Variants in CTNNA3 observed in about 807,000 individuals in gnomAD.
The protein encoded by CTNNA3 is catenin alpha-3.
CTNNA3 carries 76 observed loss-of-function variants against 95.7 expected under a neutral mutation model. The ratio of observed to expected loss-of-function variants is 0.79; its 90% CI spans 0.66 to 0.96. The LOEUF (loss-of-function observed/expected upper bound fraction) is 0.96. Among genes scored for constraint, CTNNA3 ranks in the 40% least tolerant of loss-of-function variants. CTNNA3 has a pLI of 0.00. For synonymous variants in CTNNA3, 431 were observed against 374.4 expected, an observed-to-expected ratio of 1.15 and a Z score of -1.74; for missense variants, 1,191 against 1,089.8, an observed-to-expected ratio of 1.09 and a Z score of -1.31.
intron 11 of CTNNA3, among the ~76,000 whole-genome samples, chr10:66,430,371 A>G (rs1214714404): frequency 1.3e-5 from 2 of 152,214 alleles, no homozygotes; most frequent in East Asian, 3.9e-4. Flanking sequence ...CAAGCTACCA[A>G]TGACTTTCTT....
At chr10:66,125,701 C>T (rs967197940) in intron 13 of CTNNA3, among the ~76,000 whole-genome samples, 4 of 152,120 alleles carry the variant, frequency 2.6e-5, no homozygotes, top group African/African-American at 9.7e-5. Context: ...TATGAGAACA[C>T]CTGGATGAAC....
At chr10:66,226,546 G>T (rs2089296259) in intron 13 of CTNNA3, among the ~76,000 whole-genome samples, 1 of 148,844 alleles carries the variant, frequency 6.7e-6, no homozygotes, top group African/African-American at 2.5e-5. Context: ...GTCTTTCGTG[G>T]TTCCATACAA....
chr10:67,299,556 T>A (rs1336256923), intron 5 of CTNNA3, among the ~76,000 whole-genome samples: 1 of 152,174 alleles, frequency 6.6e-6, no homozygotes, highest in Non-Finnish European at 1.5e-5. Context: ...GGCTGTAGGA[T>A]TCTTTATATT....
chr10:67,526,608 A>C (rs948539040), intron 4 of CTNNA3, among the ~76,000 whole-genome samples: 1 of 152,214 alleles, frequency 6.6e-6, no homozygotes, highest in Non-Finnish European at 1.5e-5. Context: ...AGTTGTTGTG[A>C]AATCAGTTGA....
intron 14 of CTNNA3, among the ~76,000 whole-genome samples, chr10:66,090,991 T>C (rs1280599441): frequency 6.6e-6 from 1 of 151,992 alleles, no homozygotes; most frequent in Non-Finnish European, 1.5e-5. Flanking sequence ...AAAGAAGGTG[T>C]TGCATTTGGC....
intron 1 of CTNNA3, among the ~76,000 whole-genome samples, chr10:67,729,463 A>C (rs1183344101): frequency 1.3e-5 from 2 of 152,184 alleles, no homozygotes; most frequent in African/African-American, 4.8e-5. Context: ...AATAAAGACA[A>C]TGTTAATCTA....
Position 66,365,808 on chromosome 10 carries a change from C to T in CTNNA3, c.1732+13344G>A, listed in dbSNP as rs369406478. Reference sequence around the variant, plus strand: ...ATCTGGATCATTCACACTGAGGTGCCATGATGTGAAAAAATATAGGCAGCA... The same window carrying T: ...ATCTGGATCATTCACACTGAGGTGCTATGATGTGAAAAAATATAGGCAGCA... On this transcript the variant is annotated intron_variant, in intron 12 of 17. Transcript: ENST00000433211. 2.0e-4 allele frequency among the ~76,000 whole-genome samples: 30 copies of T among 151,922 alleles called. 1 individual carries two copies. The South Asian group carries it at 6.0e-3, about 31-fold the overall frequency.
At position 67,123,305 on chromosome 10, in the gene CTNNA3, G is replaced by T. The variant is rs564669601; in HGVS notation, c.1047+57012C>A. 5.3e-5 allele frequency among the ~76,000 whole-genome samples: 8 copies of T among 152,178 alleles called. No homozygotes were observed. In the South Asian group the frequency reaches 1.7e-3, roughly 32 times the overall value. On this transcript the variant is annotated intron_variant, in intron 7 of 17. Coordinates refer to ENST00000433211, the MANE Select transcript of CTNNA3 (RefSeq NM_013266.4). The stretch of plus-strand genomic sequence containing the variant: ...TTTAACAAATATTTATTGAGTATCT[G>T]CTTGATGTATGCTAGTCCTGGAAAA...
At chr10:66,456,906 T>C (rs1017574984) in intron 11 of CTNNA3, among the ~76,000 whole-genome samples, 2 of 152,068 alleles carry the variant, frequency 1.3e-5, no homozygotes, top group Non-Finnish European at 1.5e-5. Flanking sequence ...CCAGCCTGGG[T>C]AACATAGTGA....
chr10:65,950,393 C>T (rs1041442996), intron 17 of CTNNA3, among the ~76,000 whole-genome samples: 4 of 151,722 alleles, frequency 2.6e-5, no homozygotes, highest in Admixed American at 2.6e-4. Flanking sequence ...TCTACAGCTA[C>T]TTGATTTTTT....
rs144098253 is a variant in CTNNA3 at position 67,401,848 on chromosome 10, C to T, written c.579+119994G>A. Among the ~76,000 whole-genome samples the T allele has an allele frequency of 5.5e-3, 832 of 152,266 alleles. 7 individuals are homozygous for T. Among genetic ancestry groups the T allele is most frequent in the African/African-American group, 0.019 (781 of 41,534 alleles). ...CAACACCAAAATCACTTTACTAATC[C>T]TGCCCTTGCAAAACCAAGAGTAAGA... On this transcript the variant is annotated intron_variant, in intron 5 of 17. Transcript: ENST00000433211.
intron 1 of CTNNA3, among the ~76,000 whole-genome samples, chr10:67,663,569 T>C (rs1840252750): frequency 6.6e-6 from 1 of 151,892 alleles, no homozygotes; most frequent in Admixed American, 6.6e-5. Flanking sequence ...AGGGGCAGGC[T>C]GGGAGGGGCT....
chr10:66,981,196 G>A (rs150368558), intron 7 of CTNNA3, among the ~76,000 whole-genome samples: 119 of 152,260 alleles, frequency 7.8e-4, no homozygotes, highest in African/African-American at 2.2e-3. Context: ...GAGCCACCGC[G>A]CCCAGCCACA....
intron 10 of CTNNA3, among the ~76,000 whole-genome samples, chr10:66,521,491 T>C (rs1483908358): frequency 6.6e-6 from 1 of 152,160 alleles, no homozygotes; most frequent in Non-Finnish European, 1.5e-5. Flanking sequence ...GTAAGTTGAA[T>C]GCCCAGTGAT....
intron 15 of CTNNA3, among the ~76,000 whole-genome samples, chr10:66,017,299 T>C (rs901993767): frequency 2.6e-5 from 4 of 152,126 alleles, no homozygotes; most frequent in African/African-American, 9.7e-5. Context: ...ATAAAACAGA[T>C]ACAAAAGACT....
intron 7 of CTNNA3, among the ~76,000 whole-genome samples, chr10:66,807,951 C>G (rs1404260763): frequency 5.3e-5 from 8 of 152,092 alleles, no homozygotes; most frequent in Non-Finnish European, 1.2e-4. Flanking sequence ...GATCTCACCA[C>G]TCTTGCTTGC....
intron 5 of CTNNA3, among the ~76,000 whole-genome samples, chr10:67,429,169 T>G (rs1380825046): frequency 6.6e-6 from 1 of 151,996 alleles, no homozygotes; most frequent in Non-Finnish European, 1.5e-5. Flanking sequence ...TTAAGTTACT[T>G]ACTAGAACTT....
intron 7 of CTNNA3, among the ~76,000 whole-genome samples, chr10:66,940,052 A>G (rs965591987): frequency 1.3e-5 from 2 of 152,094 alleles, no homozygotes; most frequent in Non-Finnish European, 1.5e-5. Context: ...GAACAGTAAA[A>G]TAAGTAGTTA....
intron 5 of CTNNA3, among the ~76,000 whole-genome samples, chr10:67,436,635 A>G (rs1589288207): frequency 6.6e-6 from 1 of 152,264 alleles, no homozygotes; most frequent in East Asian, 1.9e-4. Context: ...AGAAAAAAAT[A>G]AACAATCCCA....
Sources: gnomAD v4.1 joint callset for allele counts (sites outside exome capture counted in the v4.1 genomes callset) on GRCh38, gnomAD v4.1.1 for gene constraint, MANE v1.5 for transcripts, NCBI Gene and HGNC (gene_info 2026-07-23, HGNC 2026-07-21) for gene names.